MYO3B: variants seen among roughly 807,000 people sequenced by gnomAD.
MYO3B encodes myosin-IIIb.
In MYO3B, 156 loss-of-function variants were observed where a neutral mutation model predicts 174.6. The observed-to-expected ratio is 0.89, with a 90% CI of 0.78 to 1.02. The LOEUF is 1.02. Among genes scored for constraint, MYO3B ranks in the 50% least tolerant of loss-of-function variants. The pLI is 0.00. For synonymous variants in MYO3B, 563 were observed against 569.1 expected (o/e 0.99, Z 0.15); for missense variants, 1,632 against 1,639.4 (o/e 1.00, Z 0.08).
At position 170,452,749 on chromosome 2, in the gene MYO3B, T is replaced by G. The variant is rs889781687; in HGVS notation, c.2730+8703T>G. 7.9e-5 allele frequency among the ~76,000 whole-genome samples: 12 copies of G among 152,172 alleles called. 1 individual carries two copies. The highest frequency in any genetic ancestry group is 7.2e-4 in the Admixed American group (11 of 15,280). ...AAACAGTTTCTTTATTTACAAGATT[T>G]AGAATCTACCCAAAGATAATTGAGA... On this transcript the variant is annotated intron_variant, in intron 23 of 34. Coordinates refer to ENST00000408978, the MANE Select transcript of MYO3B (RefSeq NM_138995.5).
intron 32 of MYO3B, among the ~76,000 whole-genome samples, chr2:170,572,296 C>T (rs1236148990): frequency 4.6e-5 from 7 of 151,656 alleles, no homozygotes; most frequent in Admixed American, 2.6e-4. Flanking sequence ...GGTGTGGTGG[C>T]GGGTGCCTAT....
At chr2:170,300,182 G>A (rs1456104360) in intron 7 of MYO3B, among the ~76,000 whole-genome samples, 1 of 152,080 alleles carries the variant, frequency 6.6e-6, no homozygotes, top group Non-Finnish European at 1.5e-5. Context: ...TTGAAATTGG[G>A]TCTGACTATA....
At chr2:170,470,650 C>A (rs1047872134) in intron 25 of MYO3B, among the ~76,000 whole-genome samples, 2 of 152,092 alleles carry the variant, frequency 1.3e-5, no homozygotes, top group Non-Finnish European at 2.9e-5. Flanking sequence ...CATATGGTAA[C>A]CCTCTGTTCC....
Position 170,382,093 on chromosome 2 carries a change from A to C in MYO3B, c.1049A>C (p.Asn350Thr). 6.2e-7 allele frequency: 1 copy of C among 1,613,304 alleles called. No individual in the cohort carries two copies. The highest frequency in any genetic ancestry group is 8.5e-7 in the Non-Finnish European group (1 of 1,179,450). Residue 350 changes from asparagine to threonine, a missense_variant, in exon 10 of 35, where the codon AAC becomes ACC. By Grantham distance (65) the Asn-to-Thr change is moderately conservative. Coordinates refer to ENST00000408978, the MANE Select transcript of MYO3B (RefSeq NM_138995.5). Reference protein sequence around the residue: ...EKYCLEDDLVNLEVLDEDTII... With the variant: ...EKYCLEDDLVTLEVLDEDTII... ...TACTGCCTTGAGGATGATTTGGTCA[A>C]CCTAGAGGTTCTGGATGAGGTACTA...
At chr2:170,306,133 A>G (rs2093699243) in intron 7 of MYO3B, among the ~76,000 whole-genome samples, 1 of 152,096 alleles carries the variant, frequency 6.6e-6, no homozygotes. Flanking sequence ...CCCGCTTCCT[A>G]TGCTTGTGGT....
chr2:170,391,850 A>G (rs2094414110), intron 15 of MYO3B, among the ~76,000 whole-genome samples: 1 of 152,094 alleles, frequency 6.6e-6, no homozygotes, highest in African/African-American at 2.4e-5. Context: ...ATTCTACCAC[A>G]GTATTAGACT....
chr2:170,349,231 GC>G (rs1245263799), intron 8 of MYO3B, among the ~76,000 whole-genome samples: 1 of 152,108 alleles, frequency 6.6e-6, no homozygotes, highest in African/African-American at 2.4e-5. Flanking sequence ...GGACTCAGAG[GC>G]CCCTTCCTTC....
intron 9 of MYO3B, among the ~76,000 whole-genome samples, chr2:170,372,259 G>T (rs1420593547): frequency 2.0e-5 from 3 of 151,950 alleles, no homozygotes; most frequent in Admixed American, 6.6e-5. Context: ...TAAAACGGGG[G>T]TTATTTTGAG....
chr2:170,523,982 T>C (rs2106153014), intron 30 of MYO3B, among the ~76,000 whole-genome samples: 1 of 152,160 alleles, frequency 6.6e-6, no homozygotes, highest in South Asian at 2.1e-4. Flanking sequence ...TCAAGAGTCC[T>C]GGAGAGACAG....
chr2:170,595,818 C>G (rs1694111959), intron 32 of MYO3B, among the ~76,000 whole-genome samples: 1 of 152,092 alleles, frequency 6.6e-6, no homozygotes, highest in Non-Finnish European at 1.5e-5. Flanking sequence ...TCGTAGGCTT[C>G]TCTTCTCACT....
At chr2:170,316,751 T>G (rs1568269) in intron 7 of MYO3B, among the ~76,000 whole-genome samples, 75,487 of 152,098 alleles carry the variant, frequency 0.5, 19,568 homozygotes, top group East Asian at 0.67. Flanking sequence ...ATGGTCACAT[T>G]CTAATTCCTT....
At chr2:170,234,858 G>A (rs940092109) in intron 6 of MYO3B, among the ~76,000 whole-genome samples, 13 of 151,964 alleles carry the variant, frequency 8.6e-5, no homozygotes, top group African/African-American at 2.9e-4. Context: ...ATTATTTCTC[G>A]CCATCTCACA....
intron 7 of MYO3B, among the ~76,000 whole-genome samples, chr2:170,265,249 T>G (rs2093374667): frequency 6.6e-6 from 1 of 152,212 alleles, no homozygotes; most frequent in Non-Finnish European, 1.5e-5. Flanking sequence ...AGTCTTGGCC[T>G]TAATTTCAGA....
Position 170,649,116 on chromosome 2 carries a change from TATATAATGTATATAAAATAATATATA to T in MYO3B, c.3734-2506_3734-2481del, listed in dbSNP as rs1698693033. Reference sequence around the variant, plus strand: ...ATAATGTATATTATATATAAAATAATATATAATGTATATAAAATAATATATAATATATTATATATAAAATAATATAT... The same window carrying T: ...ATAATGTATATTATATATAAAATAATATATATTATATATAAAATAATATAT... On this transcript the variant is annotated intron_variant, in intron 32 of 34. Transcript: ENST00000408978. Among the ~76,000 whole-genome samples the T allele has an allele frequency of 1.6e-4, 11 of 69,726 alleles. 2 individuals are homozygous for T. The highest frequency in any genetic ancestry group is 8.3e-4 in the African/African-American group (11 of 13,272). 45.7% of individuals were successfully genotyped at this position (69,726 alleles called of 152,430 possible). A position where few individuals can be genotyped will look rare whatever the true frequency, so the allele number is the denominator to read the frequency against.
At chr2:170,456,078 G>A (rs1683890756) in intron 23 of MYO3B, among the ~76,000 whole-genome samples, 1 of 152,124 alleles carries the variant, frequency 6.6e-6, no homozygotes, top group Non-Finnish European at 1.5e-5. Context: ...GAATCACAGA[G>A]TGATTACCCA....
rs778541638 is a variant in MYO3B, at chr2:170,214,372, C to G, written c.322-7C>G. On this transcript the variant is annotated splice_region_variant and splice_polypyrimidine_tract_variant and intron_variant, in intron 3 of 34. Coordinates refer to ENST00000408978, the MANE Select transcript of MYO3B (RefSeq NM_138995.5). ...GCTCTCCCTGTGTCTGGCACCTCTT[C>G]TTGCAGCTGTGTAATGGGGGCTCAG... The G allele has an allele frequency of 6.2e-7, 1 of 1,613,106 alleles. No homozygotes were observed. Among genetic ancestry groups the G allele is most frequent in the African/African-American group, 1.3e-5 (1 of 74,966 alleles).
intron 7 of MYO3B, among the ~76,000 whole-genome samples, chr2:170,271,452 A>G (rs1020271578): frequency 3.9e-5 from 6 of 152,190 alleles, no homozygotes; most frequent in Admixed American, 2.0e-4. Context: ...TGTCTAGAAT[A>G]TATTTTCAAC....
intron 9 of MYO3B, among the ~76,000 whole-genome samples, chr2:170,376,160 G>A (rs1174891622): frequency 2.6e-5 from 4 of 152,088 alleles, no homozygotes; most frequent in African/African-American, 9.7e-5. Flanking sequence ...TTTATGCATT[G>A]TATTGTTTGA....
At chr2:170,369,452 G>T in intron 9 of MYO3B, 75 bp downstream of exon 9, 1 of 1,465,300 alleles carries the variant, frequency 6.8e-7, no homozygotes, top group Non-Finnish European at 9.3e-7. Flanking sequence ...GATTTGCCCA[G>T]CATTATTACT....
Sources: allele counts gnomAD v4.1 joint callset (sites outside exome capture counted in the v4.1 genomes callset), GRCh38; gene constraint gnomAD v4.1.1; transcripts MANE v1.5; gene names NCBI Gene and HGNC (gene_info 2026-07-23, HGNC 2026-07-21).